The following PCDHA9 variants were observed in gnomAD, a reference collection of about 807,000 sequenced individuals.
PCDHA9 encodes the protein protocadherin alpha-9.
A neutral mutation model predicts 62.0 loss-of-function variants in PCDHA9; 62 were observed. That is an observed-to-expected ratio of 1.00 (90% CI 0.81 to 1.23). PCDHA9 has a LOEUF of 1.23. PCDHA9 is among the 50% of genes most tolerant of loss of function. The pLI, the probability that PCDHA9 is intolerant of heterozygous loss-of-function variation, is 0.00. For missense variants in PCDHA9, 1,205 were observed against 1,249.8 expected (o/e 0.96, Z 0.54); for synonymous variants, 557 against 567.6 (o/e 0.98, Z 0.27).
intron 1 of PCDHA9, chr5:140,869,386 C>T: frequency 6.2e-7 from 1 of 1,614,176 alleles, no homozygotes; most frequent in Non-Finnish European, 8.5e-7. Context: ...CCGCGAGGAG[C>T]TGTGCGGGCA....
rs192014288 is a variant in PCDHA9, at chr5:140,938,120, T to A, written c.2395-40829T>A. Among the ~76,000 whole-genome samples the A allele has an allele frequency of 2.0e-3, 311 of 152,258 alleles. 6 individuals are homozygous for A. In the East Asian group the frequency reaches 0.05, roughly 25 times the overall value. ...GTATTTTTTACTTTCTCTCTTTTTT[T>A]AAAAAAATAGAGATAGAGTCTCACT... On this transcript the variant is annotated intron_variant, in intron 1 of 3. Transcript: ENST00000532602.
At position 140,931,440 on chromosome 5, in the gene PCDHA9, A is replaced by C. The variant is rs539915059; in HGVS notation, c.2395-47509A>C. Among the ~76,000 whole-genome samples the C allele has an allele frequency of 2.1e-5, 3 of 141,482 alleles. No individual in the cohort carries two copies. In the South Asian group the frequency reaches 6.9e-4, roughly 32 times the overall value. 92.8% of individuals were successfully genotyped at this position (141,482 alleles called of 152,430 possible). A position where few individuals can be genotyped will look rare whatever the true frequency, so the allele number is the denominator to read the frequency against. ...CTAGAAGTTAGAAGGAAAATTAGCT[A>C]TTTAAAAGGAAAAATATAGGAATGA... On this transcript the variant is annotated intron_variant, in intron 1 of 3. Transcript: ENST00000532602.
chr5:140,915,410 A>G (rs2077112688), intron 1 of PCDHA9, among the ~76,000 whole-genome samples: 1 of 152,172 alleles, frequency 6.6e-6, no homozygotes, highest in Non-Finnish European at 1.5e-5. Flanking sequence ...TAGTCTTTGC[A>G]GTCTGGGCTT....
intron 1 of PCDHA9, chr5:140,869,754 G>A (rs781808579): frequency 1.2e-6 from 2 of 1,613,182 alleles, no homozygotes; most frequent in Admixed American, 1.7e-5. Context: ...CTACAGACGG[G>A]GGAAAACCAG....
intron 1 of PCDHA9, chr5:140,929,236 A>C (rs782440521): frequency 3.1e-6 from 5 of 1,613,890 alleles, no homozygotes; most frequent in Non-Finnish European, 3.4e-6. Flanking sequence ...CGACCTGCGA[A>C]ATCTTGCCAC....
chr5:140,942,132 TG>T (rs1554214846), intron 1 of PCDHA9, among the ~76,000 whole-genome samples: 1 of 152,250 alleles, frequency 6.6e-6, no homozygotes, highest in African/African-American at 2.4e-5. Flanking sequence ...GTGATATTTG[TG>T]GCTTTACTTG....
In PCDHA9 at chr5:140,858,699, A is replaced by T; in HGVS notation, c.2394+7810A>T. ...GAATACACTAATATTTTCCAATACAAATATGTGATATAGGTTGCAGTTCTG... is the reference window on the plus strand; with the variant it reads ...GAATACACTAATATTTTCCAATACATATATGTGATATAGGTTGCAGTTCTG... On this transcript the variant is annotated intron_variant, in intron 1 of 3. Coordinates refer to ENST00000532602, the MANE Select transcript of PCDHA9 (RefSeq NM_031857.2). 3.6e-6 allele frequency: 2 copies of T among 561,894 alleles called. 1 individual carries two copies. The highest frequency in any genetic ancestry group is 6.1e-6 in the Non-Finnish European group (2 of 326,852). 34.8% of individuals were successfully genotyped at this position (561,894 alleles called of 1,614,324 possible).
rs1383515995 is a variant in PCDHA9 at position 140,856,091 on chromosome 5, C to T, written c.2394+5202C>T. The stretch of plus-strand genomic sequence containing the variant: ...CTGCCTGGGGGTCCAGTGTCTGCTG[C>T]TCTCGCTTCTTCTCCTCGCAGCCTG... On this transcript the variant is annotated intron_variant, in intron 1 of 3. Coordinates refer to ENST00000532602, the MANE Select transcript of PCDHA9 (RefSeq NM_031857.2). 13 of 1,597,006 alleles carry T rather than the reference C, an allele frequency of 8.1e-6. 1 individual carries two copies. The highest frequency in any genetic ancestry group is 1.3e-5 in the African/African-American group (1 of 74,304).
chr5:140,880,309 A>G (rs2058299906), intron 1 of PCDHA9, among the ~76,000 whole-genome samples: 1 of 152,236 alleles, frequency 6.6e-6, no homozygotes. Flanking sequence ...TGAAAGAAAC[A>G]AGTAAAAAAT....
intron 1 of PCDHA9, chr5:140,877,601 T>A (rs2057236715): frequency 6.2e-7 from 1 of 1,613,744 alleles, no homozygotes; most frequent in Non-Finnish European, 8.5e-7. Flanking sequence ...GTGTCCAGCC[T>A]GCTGGTGCTC....
chr5:140,863,274 G>A, intron 1 of PCDHA9: 1 of 1,461,698 alleles, frequency 6.8e-7, no homozygotes. Flanking sequence ...CAGCGCTGGT[G>A]GATGTCAACG....
At chr5:140,941,219 C>CTT (rs1308794823) in intron 1 of PCDHA9, among the ~76,000 whole-genome samples, 11 of 125,974 alleles carry the variant, frequency 8.7e-5, no homozygotes, top group African/African-American at 3.2e-4. Flanking sequence ...TTCTTCCTTT[C>CTT]TTTCTTTCTT....
intron 3 of PCDHA9, among the ~76,000 whole-genome samples, chr5:140,995,361 G>C (rs567350687): frequency 1.1e-3 from 168 of 152,090 alleles, no homozygotes; most frequent in African/African-American, 3.4e-3. Flanking sequence ...TCGGACAGAG[G>C]GATGATTCAC....
intron 1 of PCDHA9, among the ~76,000 whole-genome samples, chr5:140,898,648 G>T (rs1436511217): frequency 8.5e-5 from 13 of 152,136 alleles, no homozygotes; most frequent in African/African-American, 3.1e-4. Context: ...TGTTCTTTTG[G>T]CTTAGGATTG....
intron 1 of PCDHA9, chr5:140,858,528 T>A (rs2045469480): frequency 1.4e-6 from 2 of 1,404,940 alleles, no homozygotes; most frequent in South Asian, 2.5e-5. Context: ...AATATTTCAT[T>A]TTTGTCTACA....
chr5:140,894,374 A>G (rs1449305462), intron 1 of PCDHA9, among the ~76,000 whole-genome samples: 1 of 151,940 alleles, frequency 6.6e-6, no homozygotes, highest in African/African-American at 2.4e-5. Flanking sequence ...AATGGCTCCA[A>G]TTATATTTGT....
chr5:140,954,025 C>A (rs533473552), intron 1 of PCDHA9, among the ~76,000 whole-genome samples: 1 of 152,072 alleles, frequency 6.6e-6, no homozygotes, highest in African/African-American at 2.4e-5. Context: ...CATAGTGGGA[C>A]GATGTGGTAT....
chr5:140,942,478 C>T (rs2093304158), intron 1 of PCDHA9, among the ~76,000 whole-genome samples: 1 of 151,408 alleles, frequency 6.6e-6, no homozygotes, highest in African/African-American at 2.4e-5. Flanking sequence ...ATTCAAGCTA[C>T]AACTGAAATA....
At chr5:140,985,739 CTTT>C (rs11372071) in intron 3 of PCDHA9, among the ~76,000 whole-genome samples, 5 of 117,900 alleles carry the variant, frequency 4.2e-5, no homozygotes, top group Non-Finnish European at 1.7e-5. Context: ...TGATGAATTC[CTTT>C]TTTTTTTTTT....
Sources: gnomAD v4.1 joint callset for allele counts (sites outside exome capture counted in the v4.1 genomes callset) on GRCh38, gnomAD v4.1.1 for gene constraint, MANE v1.5 for transcripts, NCBI Gene and HGNC (gene_info 2026-07-23, HGNC 2026-07-21) for gene names.